Variants in TRIO observed in about 807,000 individuals in gnomAD.
TRIO encodes the protein trio Rho guanine nucleotide exchange factor.
In TRIO, 58 loss-of-function variants were observed where a neutral mutation model predicts 351.9. The observed-to-expected ratio is 0.16, with a 90% CI of 0.13 to 0.21. The LOEUF (loss-of-function observed/expected upper bound fraction) is 0.21. Ranked by LOEUF, TRIO falls within the 10% of genes least tolerant of loss-of-function variation. The pLI, the probability that TRIO is intolerant of heterozygous loss-of-function variation, is 1.00. For missense variants in TRIO, 3,201 were observed against 4,027.8 expected, an observed-to-expected ratio of 0.79 and a Z score of 5.56; for synonymous variants, 1,758 against 1,595.7, an observed-to-expected ratio of 1.10 and a Z score of -2.42.
intron 1 of TRIO, among the ~76,000 whole-genome samples, chr5:14,185,689 A>G (rs138940998): frequency 6.6e-6 from 1 of 152,362 alleles, no homozygotes; most frequent in East Asian, 1.9e-4. Flanking sequence ...CTAAGTTGCT[A>G]GGAACGTGGT....
intron 18 of TRIO, among the ~76,000 whole-genome samples, chr5:14,371,642 GTT>G (rs1289456867): frequency 2.0e-4 from 29 of 141,938 alleles, no homozygotes; most frequent in Non-Finnish European, 2.0e-4. Context: ...TTCTGTAAAT[GTT>G]TTTTTTTTTT....
chr5:14,225,580 C>T (rs245449), intron 1 of TRIO, among the ~76,000 whole-genome samples: 2 of 151,822 alleles, frequency 1.3e-5, no homozygotes, highest in African/African-American at 4.8e-5. Flanking sequence ...TTCCTGGAGG[C>T]CACTCTCAGG....
intron 1 of TRIO, among the ~76,000 whole-genome samples, chr5:14,200,301 C>T (rs1472788969): frequency 6.6e-6 from 1 of 152,202 alleles, no homozygotes; most frequent in Non-Finnish European, 1.5e-5. Context: ...GCCACCTGCT[C>T]AAGAGAGAAG....
At chr5:14,409,326 G>C (rs540149126) in intron 33 of TRIO, among the ~76,000 whole-genome samples, 1 of 148,424 alleles carries the variant, frequency 6.7e-6, no homozygotes, top group South Asian at 2.1e-4. Flanking sequence ...AATTATATTT[G>C]TATCCAACGA....
At chr5:14,299,045 T>G (rs1261687523) in intron 7 of TRIO, among the ~76,000 whole-genome samples, 1 of 152,162 alleles carries the variant, frequency 6.6e-6, no homozygotes, top group Non-Finnish European at 1.5e-5. Flanking sequence ...GAGAACATCT[T>G]TCATAAACAT....
At chr5:14,488,700 G>A in intron 48 of TRIO, 2 of 555,140 alleles carry the variant, frequency 3.6e-6, no homozygotes, top group Middle Eastern at 4.8e-4. Flanking sequence ...TTATCTTTGC[G>A]GCATTTTTGA....
chr5:14,348,841 G>A (rs1484423591), intron 11 of TRIO, among the ~76,000 whole-genome samples: 3 of 93,536 alleles, frequency 3.2e-5, no homozygotes, highest in East Asian at 5.7e-4. Context: ...GTGTGTGTAC[G>A]CACGTGAGCA....
intron 35 of TRIO, among the ~76,000 whole-genome samples, chr5:14,461,798 C>T (rs1187976034): frequency 6.6e-6 from 1 of 152,202 alleles, no homozygotes; most frequent in Non-Finnish European, 1.5e-5. Context: ...TTGTTTTTCC[C>T]CAATATTTAT....
At chr5:14,146,165 C>T (rs554346125) in intron 1 of TRIO, among the ~76,000 whole-genome samples, 31 of 142,510 alleles carry the variant, frequency 2.2e-4, no homozygotes, top group Admixed American at 4.2e-4. Context: ...AGAGAGGGGT[C>T]ATTCTGTTGG....
chr5:14,375,381 TGTG>T (rs79596052), intron 19 of TRIO, among the ~76,000 whole-genome samples: 14,219 of 152,202 alleles, frequency 0.093, 997 homozygotes, highest in African/African-American at 0.2. Flanking sequence ...TTGAAGATAT[TGTG>T]GTCCTTTTTA....
At chr5:14,199,409 G>C (rs533095260) in intron 1 of TRIO, among the ~76,000 whole-genome samples, 18 of 152,290 alleles carry the variant, frequency 1.2e-4, no homozygotes, top group Middle Eastern at 3.4e-3. Context: ...AAGCCACAAA[G>C]CTGTGTTATC....
At chr5:14,201,529 A>G (rs1316327390) in intron 1 of TRIO, among the ~76,000 whole-genome samples, 2 of 152,166 alleles carry the variant, frequency 1.3e-5, no homozygotes, top group African/African-American at 4.8e-5. Context: ...GGCAGCATCG[A>G]TTGTTAACTT....
In TRIO at chr5:14,497,023, T is replaced by C; in HGVS notation, c.8019+6T>C. The stretch of plus-strand genomic sequence containing the variant: ...GCAACAAGGTATCTGTGAAGGTGTG[T>C]TCGGGGGTCTTCAGGAGTCCGTGTC... On this transcript the variant is annotated splice_donor_region_variant and intron_variant, in intron 50 of 56. Coordinates refer to ENST00000344204, the MANE Select transcript of TRIO (RefSeq NM_007118.4). This position sits in a 1 kb window ranked among gnomAD's most constrained non-coding sequence, Gnocchi z 4.4. 1 of 1,613,950 alleles carries C rather than the reference T, an allele frequency of 6.2e-7. No homozygotes were observed. Among genetic ancestry groups the C allele is most frequent in the African/African-American group, 1.3e-5 (1 of 75,004 alleles).
intron 1 of TRIO, among the ~76,000 whole-genome samples, chr5:14,228,571 G>A (rs538271642): frequency 6.6e-6 from 1 of 152,322 alleles, no homozygotes; most frequent in Admixed American, 6.5e-5. Context: ...TTTTAGAGTA[G>A]CAGATTCCAT....
intron 34 of TRIO, among the ~76,000 whole-genome samples, chr5:14,435,378 G>C (rs1272492849): frequency 2.6e-5 from 4 of 152,184 alleles, no homozygotes. Context: ...GCTGGTTGGA[G>C]TGTTTCCAGG....
chr5:14,323,740 G>A (rs1484623851), intron 9 of TRIO, among the ~76,000 whole-genome samples: 5 of 152,206 alleles, frequency 3.3e-5, no homozygotes, highest in East Asian at 1.9e-4. Context: ...AGTAAAGTAC[G>A]CCAGAGCACT....
At position 14,450,718 on chromosome 5, in the gene TRIO, C is replaced by G. The variant is rs75166690; in HGVS notation, c.5204-10301C>G. Among the ~76,000 whole-genome samples the G allele has an allele frequency of 1.2e-3, 176 of 152,330 alleles. 1 individual carries two copies. The highest frequency in any genetic ancestry group is 3.8e-3 in the African/African-American group (159 of 41,572). On this transcript the variant is annotated intron_variant, in intron 34 of 56. Transcript: ENST00000344204. The stretch of plus-strand genomic sequence containing the variant: ...CAGTCATTACCATTCTCCAGACTCA[C>G]GCTCAGTGCTTCTCTGGCTGTTGTA...
rs369818812 is a variant in TRIO at position 14,378,004 on chromosome 5, T to C, written c.3332-8T>C. On this transcript the variant is annotated splice_polypyrimidine_tract_variant and splice_region_variant and intron_variant, in intron 19 of 56. Coordinates refer to ENST00000344204, the MANE Select transcript of TRIO (RefSeq NM_007118.4). Reference sequence around the variant, plus strand: ...CACCAACATACATCATTTTCTTTTTTCTCTCAGATATCTTGAATGAACTCT... The same window carrying C: ...CACCAACATACATCATTTTCTTTTTCCTCTCAGATATCTTGAATGAACTCT... 327 of 1,602,870 alleles carry C rather than the reference T, an allele frequency of 2.0e-4. 1 individual carries two copies. In the Middle Eastern group the frequency reaches 3.0e-3, roughly 15 times the overall value.
intron 13 of TRIO, 68 bp from the exon 14 acceptor site, chr5:14,363,664 C>G: frequency 6.8e-7 from 1 of 1,464,300 alleles, no homozygotes; most frequent in South Asian, 1.3e-5. Context: ...TCCTTCCTTA[C>G]TTGGTACAGA....
Sources: gnomAD v4.1 joint callset for allele counts (sites outside exome capture counted in the v4.1 genomes callset) on GRCh38, gnomAD v4.1.1 for gene constraint, Gnocchi (gnomAD v3.1) non-coding constraint, MANE v1.5 for transcripts, NCBI Gene and HGNC (gene_info 2026-07-23, HGNC 2026-07-21) for gene names.